The following KMT2E variants were observed in gnomAD, a reference collection of about 807,000 sequenced individuals.
The protein encoded by KMT2E is histone reader KMT2E.
In KMT2E, 30 loss-of-function variants were observed where a neutral mutation model predicts 184.6. The observed-to-expected ratio is 0.16, with a 90% CI of 0.12 to 0.22. The LOEUF (loss-of-function observed/expected upper bound fraction) is 0.22, where lower values mean the gene tolerates loss of function less well. Among genes scored for constraint, KMT2E ranks in the 10% least tolerant of loss-of-function variants. The pLI is 1.00. For synonymous variants in KMT2E, 815 were observed against 776.5 expected (o/e 1.05, Z -0.82); for missense variants, 2,023 against 2,237.4 (o/e 0.90, Z 1.93).
At chr7:105,106,481 G>A (rs1164253279) in intron 19 of KMT2E, 41 bp from the exon 20 acceptor site, 1 of 1,524,548 alleles carries the variant, frequency 6.6e-7, no homozygotes, top group South Asian at 1.1e-5. Context: ...TTAACAAATA[G>A]CAACAGTGTA....
chr7:105,049,693 C>A (rs1796249021), intron 3 of KMT2E, among the ~76,000 whole-genome samples: 1 of 152,068 alleles, frequency 6.6e-6, no homozygotes, highest in Non-Finnish European at 1.5e-5. Context: ...GAATTCGAGA[C>A]CAGCCTGCCG....
chr7:105,027,644 GTTGTA>G (rs772325745), intron 1 of KMT2E, among the ~76,000 whole-genome samples: 3 of 152,162 alleles, frequency 2.0e-5, no homozygotes, highest in Non-Finnish European at 4.4e-5. Context: ...CAACTCTCTA[GTTGTA>G]TTATACTAGT....
At chr7:105,026,954 C>T (rs1208206355) in intron 1 of KMT2E, among the ~76,000 whole-genome samples, 6 of 152,128 alleles carry the variant, frequency 3.9e-5, no homozygotes, top group Non-Finnish European at 8.8e-5. Flanking sequence ...AGTTCAATCC[C>T]CAGCTACACA....
chr7:105,059,078 C>A (rs532130726), intron 3 of KMT2E, among the ~76,000 whole-genome samples: 1 of 152,212 alleles, frequency 6.6e-6, no homozygotes, highest in South Asian at 2.1e-4. Context: ...TGTTTTGATA[C>A]ATAATTATAT....
intron 1 of KMT2E, among the ~76,000 whole-genome samples, chr7:105,022,522 T>C (rs73718218): frequency 0.011 from 1,678 of 152,270 alleles, 26 homozygotes; most frequent in African/African-American, 0.038. Flanking sequence ...TTTGATAGCT[T>C]AGTTAAGGTG....
rs761228955 is a variant in KMT2E, at chr7:105,113,464, ATTTT to A, written c.*133_*136del. 1.1e-4 allele frequency: 113 copies of A among 1,020,016 alleles called. No homozygotes were observed. The highest frequency in any genetic ancestry group is 2.8e-5 in the Non-Finnish European group (21 of 737,386). 63.2% of individuals were successfully genotyped at this position (1,020,016 alleles called of 1,614,324 possible). A position where few individuals can be genotyped will look rare whatever the true frequency, so the allele number is the denominator to read the frequency against. ...AAAAACACCAGTGCTCTTTCGTTGT[ATTTT>A]TCTCATTTTTGCTTTTTAAAATTCC... is the stretch of plus-strand genomic sequence containing the variant. On this transcript the variant is annotated 3_prime_UTR_variant, in exon 27 of 27. Transcript: ENST00000311117.
At chr7:105,023,444 C>CA (rs1795040228) in intron 1 of KMT2E, among the ~76,000 whole-genome samples, 2 of 135,326 alleles carry the variant, frequency 1.5e-5, no homozygotes, top group African/African-American at 2.9e-5. Flanking sequence ...ATTCATTAAG[C>CA]AATTTTTTTT....
intron 3 of KMT2E, among the ~76,000 whole-genome samples, chr7:105,057,054 G>A (rs1796593384): frequency 6.6e-6 from 1 of 152,196 alleles, no homozygotes; most frequent in South Asian, 2.1e-4. Context: ...CAGTAAATAA[G>A]TGCTTCATGA....
At chr7:105,043,302 T>G (rs931744701) in intron 3 of KMT2E, among the ~76,000 whole-genome samples, 3 of 150,078 alleles carry the variant, frequency 2.0e-5, no homozygotes, top group African/African-American at 7.3e-5. Flanking sequence ...AGTGGCGGGA[T>G]CTCGGCTCAC....
At chr7:105,065,283 G>A (rs1796983854) in intron 5 of KMT2E, among the ~76,000 whole-genome samples, 1 of 152,046 alleles carries the variant, frequency 6.6e-6, no homozygotes, top group Admixed American at 6.6e-5. Flanking sequence ...TGTTTCTTCT[G>A]TTGTCTGCAT....
chr7:105,100,791 A>G (rs954134203), intron 15 of KMT2E, among the ~76,000 whole-genome samples: 1 of 152,300 alleles, frequency 6.6e-6, no homozygotes, highest in East Asian at 1.9e-4. Context: ...TTTCTGTTGG[A>G]ACCAAATAAC....
Position 105,092,392 on chromosome 7 carries a change from A to G in KMT2E, c.1722+1078A>G. ...ACTCCAACCTGGGTGACAGAGCAAGACTCCATCTCCAAAAAAAAAAGTTTG... is the reference window on the plus strand; with the variant it reads ...ACTCCAACCTGGGTGACAGAGCAAGGCTCCATCTCCAAAAAAAAAAGTTTG... On this transcript the variant is annotated intron_variant, in intron 15 of 26. Coordinates refer to ENST00000311117, the MANE Select transcript of KMT2E (RefSeq NM_182931.3). Among the ~76,000 whole-genome samples the G allele has an allele frequency of 1.3e-5, 2 of 151,644 alleles. 1 individual carries two copies. Among genetic ancestry groups the G allele is most frequent in the Non-Finnish European group, 2.9e-5 (2 of 67,924 alleles).
intron 1 of KMT2E, among the ~76,000 whole-genome samples, chr7:105,024,905 A>G (rs1054008340): frequency 6.6e-6 from 1 of 152,118 alleles, no homozygotes; most frequent in African/African-American, 2.4e-5. Context: ...TTCCAGTTCA[A>G]GATGATTCAT....
intron 19 of KMT2E, 145 bp from the exon 20 acceptor site, chr7:105,106,377 A>ATT: frequency 1.3e-6 from 1 of 792,424 alleles, no homozygotes. Flanking sequence ...TGTTAGTACC[A>ATT]TTTTTTTAAA....
intron 3 of KMT2E, among the ~76,000 whole-genome samples, chr7:105,055,358 G>A (rs1340403184): frequency 6.6e-6 from 1 of 151,392 alleles, no homozygotes; most frequent in African/African-American, 2.4e-5. Context: ...CTGGCCCTCT[G>A]TATAGTTTTT....
intron 12 of KMT2E, among the ~76,000 whole-genome samples, chr7:105,079,571 G>T (rs948366214): frequency 2.1e-4 from 27 of 129,704 alleles, no homozygotes; most frequent in Non-Finnish European, 3.9e-4. Context: ...TCCCAGGCTG[G>T]AGTGTGGTGT....
chr7:105,026,577 G>GT (rs1252162602), intron 1 of KMT2E, among the ~76,000 whole-genome samples: 4 of 152,116 alleles, frequency 2.6e-5, no homozygotes, highest in Admixed American at 2.0e-4. Context: ...AGATTGTGTG[G>GT]TTTTTTCAAA....
intron 1 of KMT2E, among the ~76,000 whole-genome samples, chr7:105,032,404 A>G (rs998553824): frequency 9.9e-5 from 15 of 152,192 alleles, no homozygotes; most frequent in Non-Finnish European, 1.3e-4. Context: ...AGATCGCACC[A>G]CTGTACTCCA....
chr7:105,066,863 T>A, intron 6 of KMT2E, 56 bp downstream of exon 6: 1 of 1,180,248 alleles, frequency 8.5e-7, no homozygotes, highest in Non-Finnish European at 1.3e-6. Context: ...TAATACTAGT[T>A]AACAGAAATT....
Sources: gnomAD v4.1 joint callset for allele counts (sites outside exome capture counted in the v4.1 genomes callset) on GRCh38, gnomAD v4.1.1 for gene constraint, MANE v1.5 for transcripts, NCBI Gene and HGNC (gene_info 2026-07-23, HGNC 2026-07-21) for gene names.